Variants in HMG20A observed in about 807,000 individuals in gnomAD.
HMG20A encodes high mobility group 20A.
Under a neutral mutation model 43.9 loss-of-function variants are expected in HMG20A, and 17 were observed. The ratio of observed to expected loss-of-function variants is 0.39; its 90% CI spans 0.27 to 0.58. HMG20A has a LOEUF of 0.58. HMG20A is among the 20% of genes least tolerant of loss of function. The probability of loss-of-function intolerance (pLI) is 0.59; values close to 1 mark genes in which losing one functional copy is unlikely to be tolerated. For missense variants in HMG20A, 341 were observed against 438.2 expected, an observed-to-expected ratio of 0.78 and a Z score of 1.98; for synonymous variants, 132 against 147.5, an observed-to-expected ratio of 0.89 and a Z score of 0.76.
At chr15:77,448,230 A>G (rs2142307350) in intron 1 of HMG20A, among the ~76,000 whole-genome samples, 1 of 152,320 alleles carries the variant, frequency 6.6e-6, no homozygotes, top group East Asian at 1.9e-4. Context: ...AATAGCAGCC[A>G]GAATGATCCT....
At chr15:77,518,309 T>C in the HMG20A span, among the ~76,000 whole-genome samples, 1 of 152,236 alleles carries the variant, frequency 6.6e-6, no homozygotes, top group African/African-American at 2.4e-5. Flanking sequence ...CTACCACGCC[T>C]GCACCAACCC....
chr15:77,449,782 G>A (rs1193806539), intron 1 of HMG20A, among the ~76,000 whole-genome samples: 1 of 152,106 alleles, frequency 6.6e-6, no homozygotes, highest in African/African-American at 2.4e-5. Context: ...TGCTACATCT[G>A]TTACAATCAA....
At chr15:77,476,034 G>C (rs1595931402) in intron 6 of HMG20A, among the ~76,000 whole-genome samples, 1 of 152,178 alleles carries the variant, frequency 6.6e-6, no homozygotes. Flanking sequence ...TTCTTGCTCA[G>C]CTGCCATTGG....
intron 2 of HMG20A, among the ~76,000 whole-genome samples, chr15:77,463,211 G>C (rs2072721961): frequency 6.6e-6 from 1 of 152,128 alleles, no homozygotes; most frequent in African/African-American, 2.4e-5. Flanking sequence ...CTGGAATCGT[G>C]TTGTTTACCT....
chr15:77,447,412 T>G (rs2142305786), intron 1 of HMG20A, among the ~76,000 whole-genome samples: 1 of 152,206 alleles, frequency 6.6e-6, no homozygotes, highest in East Asian at 1.9e-4. Flanking sequence ...TTGTGGAGTT[T>G]TTTTCTTCAC....
chr15:77,466,102 C>T (rs530467905), intron 3 of HMG20A, among the ~76,000 whole-genome samples: 6 of 152,162 alleles, frequency 3.9e-5, no homozygotes, highest in South Asian at 2.1e-4. Context: ...ACATCTAGGC[C>T]GGGTGCAGTG....
intron 1 of HMG20A, among the ~76,000 whole-genome samples, chr15:77,438,690 A>G (rs1010510954): frequency 1.3e-5 from 2 of 152,258 alleles, no homozygotes; most frequent in Non-Finnish European, 2.9e-5. Context: ...CAACAATTTG[A>G]AACAGCTTTC....
the HMG20A span, among the ~76,000 whole-genome samples, chr15:77,493,616 C>G: frequency 3.3e-5 from 5 of 152,188 alleles, no homozygotes; most frequent in Non-Finnish European, 7.4e-5. Context: ...GTGGCTGTGG[C>G]TATAATCCCT....
At chr15:77,445,310 T>A (rs1313474860) in intron 1 of HMG20A, among the ~76,000 whole-genome samples, 1 of 152,212 alleles carries the variant, frequency 6.6e-6, no homozygotes, top group Admixed American at 6.5e-5. Context: ...CAGTGTTCCT[T>A]GAACCAATAA....
the HMG20A span, among the ~76,000 whole-genome samples, chr15:77,491,547 A>G: frequency 6.6e-6 from 1 of 152,096 alleles, no homozygotes; most frequent in East Asian, 1.9e-4. Context: ...TTTGGGTGTA[A>G]AGTTGAGGAA....
intron 1 of HMG20A, among the ~76,000 whole-genome samples, chr15:77,432,534 C>G (rs1298635575): frequency 6.6e-6 from 1 of 151,946 alleles, no homozygotes; most frequent in African/African-American, 2.4e-5. Context: ...CCAGCTTGGC[C>G]AACATGGCAA....
chr15:77,437,904 G>A (rs146648798), intron 1 of HMG20A, among the ~76,000 whole-genome samples: 10 of 152,096 alleles, frequency 6.6e-5, no homozygotes, highest in African/African-American at 1.9e-4. Context: ...AGTAAAGATA[G>A]AGAGTTCTCA....
Position 77,431,896 on chromosome 15 carries a change from C to T in HMG20A, c.-5+10892C>T, listed in dbSNP as rs368579000. Among the ~76,000 whole-genome samples, 17 of 152,278 alleles carry T rather than the reference C, an allele frequency of 1.1e-4. No individual in the cohort carries two copies. In the East Asian group the frequency reaches 3.1e-3, roughly 28 times the overall value. On this transcript the variant is annotated intron_variant, in intron 1 of 9. Transcript: ENST00000336216. ...GAGATCATATGGTATTTGTCAGTGCCAGGCTAATTTCACTTAACAGATAAT... is the reference window on the plus strand; with the variant it reads ...GAGATCATATGGTATTTGTCAGTGCTAGGCTAATTTCACTTAACAGATAAT...
At chr15:77,481,710 G>A (rs1276539021) in intron 9 of HMG20A, among the ~76,000 whole-genome samples, 4 of 152,124 alleles carry the variant, frequency 2.6e-5, no homozygotes, top group African/African-American at 9.7e-5. Context: ...AGCTAAAAGT[G>A]TGAACTGTTA....
intron 1 of HMG20A, among the ~76,000 whole-genome samples, chr15:77,437,761 A>T (rs527493136): frequency 2.6e-5 from 4 of 151,842 alleles, no homozygotes; most frequent in Non-Finnish European, 5.9e-5. Flanking sequence ...TCTAGTAGAG[A>T]TGGGGTTTCA....
downstream of HMG20A, among the ~76,000 whole-genome samples, chr15:77,488,506 A>G (rs976770479): frequency 2.0e-5 from 3 of 152,192 alleles, no homozygotes; most frequent in Non-Finnish European, 2.9e-5. Flanking sequence ...TATTTTTTCC[A>G]TAAGTGCAAA....
the HMG20A span, among the ~76,000 whole-genome samples, chr15:77,511,985 G>A: frequency 6.6e-6 from 1 of 152,196 alleles, no homozygotes; most frequent in African/African-American, 2.4e-5. Context: ...TTATTCACAA[G>A]AGCCAAAATG....
intron 1 of HMG20A, among the ~76,000 whole-genome samples, chr15:77,431,187 C>T (rs1027565182): frequency 1.3e-5 from 2 of 151,902 alleles, no homozygotes; most frequent in African/African-American, 2.4e-5. Flanking sequence ...TTTGCTTTTA[C>T]CTACTTGGTT....
At chr15:77,421,133 C>T (rs1567384640) in intron 1 of HMG20A, 129 bp downstream of exon 1, 2 of 362,114 alleles carry the variant, frequency 5.5e-6, no homozygotes, top group East Asian at 3.9e-5. Context: ...GGGGGCGCCT[C>T]AACTTCCGGT....
Sources: gnomAD v4.1 joint callset for allele counts (sites outside exome capture counted in the v4.1 genomes callset) on GRCh38, gnomAD v4.1.1 for gene constraint, MANE v1.5 for transcripts, NCBI Gene and HGNC (gene_info 2026-07-23, HGNC 2026-07-21) for gene names.